The following ZBTB20 variants were observed in gnomAD, a reference collection of about 807,000 sequenced individuals.
ZBTB20 encodes the protein zinc finger and BTB domain containing 20.
ZBTB20 carries 9 observed loss-of-function variants against 56.9 expected under a neutral mutation model. That is an observed-to-expected ratio of 0.16 (90% CI 0.10 to 0.28). The LOEUF is 0.28. Among genes scored for constraint, ZBTB20 ranks in the 10% least tolerant of loss-of-function variants. The pLI is 1.00. For synonymous variants in ZBTB20, 417 were observed against 420.7 expected (o/e 0.99, Z 0.11); for missense variants, 655 against 1,003.0 (o/e 0.65, Z 4.69).
At position 114,659,464 on chromosome 3, in the gene ZBTB20, CCT is replaced by C. The variant is rs1005939062; in HGVS notation, c.-295+34062_-295+34063del. On this transcript the variant is annotated intron_variant, in intron 6 of 11. Transcript: ENST00000675478. ...CCAGCTGCATCAAAGGCTGTGTTCCCCTGTTTGTTTTTTTCCTGAAGCAGAGT... is the reference window on the plus strand; with the variant it reads ...CCAGCTGCATCAAAGGCTGTGTTCCCGTTTGTTTTTTTCCTGAAGCAGAGT... Among the ~76,000 whole-genome samples the C allele has an allele frequency of 6.6e-5, 10 of 152,272 alleles. No homozygotes were observed. The East Asian group carries it at 7.7e-4, about 12-fold the overall frequency.
intron 5 of ZBTB20, chr3:114,759,063 G>A (rs562886110): frequency 6.6e-6 from 1 of 152,254 alleles, no homozygotes; most frequent in East Asian, 1.9e-4. Context: ...TGCTTGTCCT[G>A]TGATTTTTCT....
intron 5 of ZBTB20, among the ~76,000 whole-genome samples, chr3:114,717,404 G>A (rs2064561455): frequency 6.6e-6 from 1 of 152,066 alleles, no homozygotes; most frequent in Non-Finnish European, 1.5e-5. Flanking sequence ...AGAACTTTAA[G>A]TAGACCAAGA....
intron 2 of ZBTB20, among the ~76,000 whole-genome samples, chr3:115,002,023 G>T (rs2079271926): frequency 6.6e-6 from 1 of 151,448 alleles, no homozygotes; most frequent in African/African-American, 2.4e-5. Flanking sequence ...AGGTACTGTG[G>T]TATTTGCAAA....
intron 1 of ZBTB20, among the ~76,000 whole-genome samples, chr3:115,115,352 T>TG (rs1206475013): frequency 6.6e-6 from 1 of 152,074 alleles, no homozygotes; most frequent in Non-Finnish European, 1.5e-5. Flanking sequence ...AAGAACACAC[T>TG]GTTTTACTGT....
intron 5 of ZBTB20, among the ~76,000 whole-genome samples, chr3:114,744,820 C>G (rs1187141389): frequency 6.6e-6 from 1 of 151,926 alleles, no homozygotes; most frequent in Non-Finnish European, 1.5e-5. Flanking sequence ...TTGCTGTCTT[C>G]TCACTTTAAA....
intron 6 of ZBTB20, among the ~76,000 whole-genome samples, chr3:114,538,877 A>G (rs1426689207): frequency 6.6e-6 from 1 of 152,166 alleles, no homozygotes; most frequent in Non-Finnish European, 1.5e-5. Context: ...TCAGTCTGTG[A>G]AAGGAGTAGC....
At chr3:114,500,177 TAGCAACTTAGTATTACC>T (rs1252000247) in intron 7 of ZBTB20, among the ~76,000 whole-genome samples, 158 bp downstream of exon 7, 1 of 152,180 alleles carries the variant, frequency 6.6e-6, no homozygotes, top group African/African-American at 2.4e-5. Flanking sequence ...CCCTCATGGA[TAGCAACTTAGTATTACC>T]ACCAACAGCA....
intron 2 of ZBTB20, among the ~76,000 whole-genome samples, chr3:114,985,077 C>G (rs2078480202): frequency 6.6e-6 from 1 of 151,998 alleles, no homozygotes; most frequent in Non-Finnish European, 1.5e-5. Flanking sequence ...TCCCACTGCC[C>G]AGATTTCTTT....
intron 3 of ZBTB20, among the ~76,000 whole-genome samples, chr3:114,965,799 T>C (rs1347033919): frequency 1.3e-5 from 2 of 152,202 alleles, no homozygotes. Flanking sequence ...ACCATTTGTA[T>C]GTCTTCTTTT....
Position 114,324,128 on chromosome 3 carries a change from T to C in ZBTB20, c.*14877A>G, listed in dbSNP as rs1290499528. 1 of 152,198 alleles carries C rather than the reference T, an allele frequency of 6.6e-6. No homozygotes were observed. The highest frequency in any genetic ancestry group is 1.5e-5 in the Non-Finnish European group (1 of 68,044). The allele number at this position is 152,198 out of a possible 1,614,324, so 9.4% of individuals were successfully genotyped here. ...AGAAACTAGCATGCACCTATGTATTTTCTGTAAAACATTAAGCCAATAGGC... is the reference window on the plus strand; with the variant it reads ...AGAAACTAGCATGCACCTATGTATTCTCTGTAAAACATTAAGCCAATAGGC... On this transcript the variant is annotated 3_prime_UTR_variant, in exon 12 of 12. Coordinates refer to ENST00000675478, the MANE Select transcript of ZBTB20 (RefSeq NM_001348800.3).
intron 4 of ZBTB20, among the ~76,000 whole-genome samples, chr3:114,869,228 G>T (rs1208305692): frequency 1.3e-5 from 2 of 152,116 alleles, no homozygotes; most frequent in Non-Finnish European, 2.9e-5. Flanking sequence ...AAACTCCTTA[G>T]AAGCTCGCTC....
chr3:114,590,077 T>C (rs1577799820), intron 6 of ZBTB20, among the ~76,000 whole-genome samples: 1 of 152,212 alleles, frequency 6.6e-6, no homozygotes, highest in African/African-American at 2.4e-5. Context: ...TGAAATGTGA[T>C]AAATTTTCCA....
intron 5 of ZBTB20, among the ~76,000 whole-genome samples, chr3:114,711,291 A>G (rs1348634704): frequency 6.6e-6 from 1 of 152,230 alleles, no homozygotes; most frequent in Non-Finnish European, 1.5e-5. Flanking sequence ...ATTCCCAGTA[A>G]TTAGAACAAT....
chr3:114,384,834 G>T (rs940894306), intron 8 of ZBTB20, among the ~76,000 whole-genome samples: 25 of 152,176 alleles, frequency 1.6e-4, no homozygotes, highest in African/African-American at 5.3e-4. Context: ...TGATATGGTA[G>T]GTATTAAGCA....
At chr3:114,856,534 C>CA (rs1028941180) in intron 4 of ZBTB20, among the ~76,000 whole-genome samples, 298 of 150,716 alleles carry the variant, frequency 2.0e-3, no homozygotes, top group African/African-American at 6.8e-3. Context: ...ATGTATTTAT[C>CA]AAAAAAAACT....
chr3:115,042,544 T>C (rs1248004893), intron 2 of ZBTB20, among the ~76,000 whole-genome samples: 1 of 152,160 alleles, frequency 6.6e-6, no homozygotes, highest in Non-Finnish European at 1.5e-5. Context: ...AAAAGAAATA[T>C]TTTTATTGAG....
intron 4 of ZBTB20, among the ~76,000 whole-genome samples, chr3:114,883,475 G>T (rs1054659951): frequency 6.6e-6 from 1 of 152,116 alleles, no homozygotes; most frequent in Non-Finnish European, 1.5e-5. Context: ...ATCTAACCTT[G>T]ATTAATGCTC....
chr3:114,949,036 T>C (rs1226842718), intron 3 of ZBTB20, among the ~76,000 whole-genome samples: 1 of 145,982 alleles, frequency 6.9e-6, no homozygotes, highest in Non-Finnish European at 1.5e-5. Context: ...AGATTTCTTC[T>C]AAATGTTCAC....
chr3:115,058,685 G>GCCACTGCACT (rs1159674366), intron 2 of ZBTB20, among the ~76,000 whole-genome samples: 7 of 152,118 alleles, frequency 4.6e-5, no homozygotes, highest in African/African-American at 1.2e-4. Flanking sequence ...GCCACGATGT[G>GCCACTGCACT]CCACTGCACT....
Sources: gnomAD v4.1 joint callset for allele counts (sites outside exome capture counted in the v4.1 genomes callset) on GRCh38, gnomAD v4.1.1 for gene constraint, MANE v1.5 for transcripts, NCBI Gene and HGNC (gene_info 2026-07-23, HGNC 2026-07-21) for gene names.